RNF150: variants seen among roughly 807,000 people sequenced by gnomAD.
RNF150 encodes the protein ring finger protein 150.
A neutral mutation model predicts 39.3 loss-of-function variants in RNF150; 24 were observed. The ratio of observed to expected loss-of-function variants is 0.61; its 90% CI spans 0.44 to 0.86. The LOEUF (loss-of-function observed/expected upper bound fraction) is 0.86. Among genes scored for constraint, RNF150 ranks in the 40% least tolerant of loss-of-function variants. The probability of loss-of-function intolerance (pLI) is 0.00; values close to 1 mark genes in which losing one functional copy is unlikely to be tolerated. For synonymous variants in RNF150, 255 were observed against 227.3 expected (o/e 1.12, Z -1.10); for missense variants, 502 against 587.8 (o/e 0.85, Z 1.51).
At chr4:141,032,213 T>C (rs920790262) in intron 1 of RNF150, among the ~76,000 whole-genome samples, 3 of 152,088 alleles carry the variant, frequency 2.0e-5, no homozygotes, top group African/African-American at 7.2e-5. Flanking sequence ...ACTTCATTTA[T>C]ATGTAGAATC....
chr4:140,937,591 A>T (rs984888008), intron 4 of RNF150, among the ~76,000 whole-genome samples: 4 of 152,068 alleles, frequency 2.6e-5, no homozygotes, highest in East Asian at 1.9e-4. Context: ...TAAAGTTTTT[A>T]AAAAATGTTT....
chr4:140,959,076 C>T (rs892986112), intron 2 of RNF150, among the ~76,000 whole-genome samples: 2 of 152,130 alleles, frequency 1.3e-5, no homozygotes, highest in African/African-American at 4.8e-5. Context: ...TGCTCGACCA[C>T]TGTTCCCATT....
chr4:141,106,320 TCA>T (rs1368802638), intron 1 of RNF150, among the ~76,000 whole-genome samples: 3 of 152,236 alleles, frequency 2.0e-5, no homozygotes, highest in African/African-American at 7.2e-5. Context: ...AGCTAGGATT[TCA>T]CACACCTGGT....
chr4:141,212,827 C>T (rs1728491820), exon 1 of RNF150: 1 of 152,590 alleles, frequency 6.6e-6, no homozygotes, highest in South Asian at 2.1e-4. Context: ...TCTCAGGAAA[C>T]AGGCAATTAT....
intron 1 of RNF150, among the ~76,000 whole-genome samples, chr4:141,168,915 C>T (rs1326296865): frequency 6.6e-6 from 1 of 152,098 alleles, no homozygotes; most frequent in Non-Finnish European, 1.5e-5. Context: ...GAACGTTCTG[C>T]ACATGTATCC....
chr4:140,989,112 G>C (rs1734109824), intron 1 of RNF150, among the ~76,000 whole-genome samples: 1 of 152,068 alleles, frequency 6.6e-6, no homozygotes, highest in Admixed American at 6.6e-5. Context: ...TTAAAACCTG[G>C]TTGCTTCCAA....
chr4:141,089,858 T>G (rs11931358), intron 1 of RNF150, among the ~76,000 whole-genome samples: 1 of 152,154 alleles, frequency 6.6e-6, no homozygotes, highest in African/African-American at 2.4e-5. Context: ...TACAGCAACA[T>G]GTCATAGAGT....
intron 1 of RNF150, among the ~76,000 whole-genome samples, chr4:141,129,944 A>C (rs1726849007): frequency 2.6e-5 from 4 of 152,234 alleles, no homozygotes; most frequent in African/African-American, 9.6e-5. Flanking sequence ...ATATATCATC[A>C]GCTTTTGCAG....
intron 1 of RNF150, among the ~76,000 whole-genome samples, chr4:141,168,974 T>C (rs746027652): frequency 5.9e-5 from 9 of 152,138 alleles, no homozygotes; most frequent in Non-Finnish European, 1.2e-4. Flanking sequence ...TGGGGGACTA[T>C]TGAGAAGGCA....
intron 5 of RNF150, among the ~76,000 whole-genome samples, chr4:140,925,711 A>G (rs1731372792): frequency 6.6e-6 from 1 of 152,156 alleles, no homozygotes; most frequent in Non-Finnish European, 1.5e-5. Flanking sequence ...GCTGCAGCCC[A>G]GAAGAGAAGC....
chr4:141,075,387 A>G (rs1737857417), intron 1 of RNF150, among the ~76,000 whole-genome samples: 1 of 152,254 alleles, frequency 6.6e-6, no homozygotes, highest in Non-Finnish European at 1.5e-5. Context: ...TGGCCAATTA[A>G]GGAAAGCCTA....
At chr4:140,999,975 GAAAAGAAGAAAA>G in intron 1 of RNF150, among the ~76,000 whole-genome samples, 1 of 41,828 alleles carries the variant, frequency 2.4e-5, no homozygotes, top group South Asian at 1.6e-3. Flanking sequence ...AGAAGAAGAA[GAAAAGAAGAAAA>G]GAAGAAAAGA....
At chr4:141,048,749 A>G (rs568491990) in intron 1 of RNF150, among the ~76,000 whole-genome samples, 1 of 152,280 alleles carries the variant, frequency 6.6e-6, no homozygotes, top group South Asian at 2.1e-4. Context: ...ATAAACAAAC[A>G]AAAAACAACT....
intron 1 of RNF150, among the ~76,000 whole-genome samples, chr4:140,971,252 G>T (rs1382827677): frequency 1.3e-5 from 2 of 151,948 alleles, no homozygotes; most frequent in Non-Finnish European, 2.9e-5. Context: ...TTCTGTGGGT[G>T]GGTGTGAGGC....
At chr4:141,037,667 G>T (rs1373774130) in intron 1 of RNF150, among the ~76,000 whole-genome samples, 2 of 152,106 alleles carry the variant, frequency 1.3e-5, no homozygotes, top group Non-Finnish European at 2.9e-5. Context: ...TTTTTCCCAA[G>T]TTAGAAAGCT....
intron 6 of RNF150, among the ~76,000 whole-genome samples, chr4:140,898,284 T>TTC (rs922868916): frequency 5.9e-5 from 9 of 151,694 alleles, no homozygotes; most frequent in African/African-American, 2.2e-4. Context: ...CACACATTTT[T>TTC]TTTTTTTGAG....
At chr4:141,082,005 T>C (rs761084819) in intron 1 of RNF150, among the ~76,000 whole-genome samples, 8 of 152,256 alleles carry the variant, frequency 5.3e-5, no homozygotes, top group Non-Finnish European at 1.2e-4. Flanking sequence ...TAATTACGTG[T>C]TTGTATCAAA....
chr4:140,865,553 CTTTTTTTTTTT>C lies in RNF150; in HGVS notation c.*2697_*2707del, dbSNP rs11384745. On this transcript the variant is annotated 3_prime_UTR_variant, in exon 7 of 7. Transcript: ENST00000515673. ...CTTTCTGGTTAAGCTTTTTTTTTTT[CTTTTTTTTTTT>C]TTTTTTAAACTATCAAAGCTACAGG... 38 of 124,120 alleles carry C rather than the reference CTTTTTTTTTTT, an allele frequency of 3.1e-4. No homozygotes were observed. The highest frequency in any genetic ancestry group is 4.1e-3 in the Middle Eastern group (1 of 242). The allele number at this position is 124,120 out of a possible 1,614,324, so 7.7% of individuals were successfully genotyped here.
At chr4:141,191,078 G>A (rs1246821086) in intron 1 of RNF150, among the ~76,000 whole-genome samples, 2 of 152,174 alleles carry the variant, frequency 1.3e-5, no homozygotes, top group South Asian at 2.1e-4. Context: ...CATTGTAATG[G>A]AGAAGAGATG....
Sources: gnomAD v4.1 joint callset for allele counts (sites outside exome capture counted in the v4.1 genomes callset) on GRCh38, gnomAD v4.1.1 for gene constraint, MANE v1.5 for transcripts, NCBI Gene and HGNC (gene_info 2026-07-23, HGNC 2026-07-21) for gene names.